The following MATN2 variants were observed in gnomAD, a reference collection of about 807,000 sequenced individuals.
MATN2 encodes the protein matrilin-2.
In MATN2, 69 loss-of-function variants were observed where a neutral mutation model predicts 103.2. The ratio of observed to expected loss-of-function variants is 0.67; its 90% confidence interval spans 0.55 to 0.82. MATN2 has a LOEUF of 0.82. Among genes scored for constraint, MATN2 ranks in the 40% least tolerant of loss-of-function variants. The pLI, the probability that MATN2 is intolerant of heterozygous loss-of-function variation, is 0.00. For synonymous variants in MATN2, 429 were observed against 450.2 expected, an observed-to-expected ratio of 0.95 and a Z score of 0.60; for missense variants, 1,023 against 1,211.5, an observed-to-expected ratio of 0.84 and a Z score of 2.31.
At chr8:98,003,936 T>C (rs1315015964) in intron 8 of MATN2, 153 bp downstream of exon 8, 7 of 830,084 alleles carry the variant, frequency 8.4e-6, no homozygotes, top group South Asian at 6.5e-5. Flanking sequence ...TCATCACCCA[T>C]AGAATGTGAC....
At chr8:97,900,690 C>G (rs992415042) in intron 2 of MATN2, among the ~76,000 whole-genome samples, 1 of 152,170 alleles carries the variant, frequency 6.6e-6, no homozygotes, top group African/African-American at 2.4e-5. Flanking sequence ...AATCCCAGCA[C>G]TTTGGGAGGC....
At chr8:97,902,515 A>T (rs940154154) in intron 2 of MATN2, among the ~76,000 whole-genome samples, 1 of 150,248 alleles carries the variant, frequency 6.7e-6, no homozygotes, top group East Asian at 2.0e-4. Context: ...AAAAAAGAAT[A>T]AAAAAAAAGA....
At chr8:98,030,425 T>G in intron 14 of MATN2, 37 bp from the exon 15 acceptor site, 1 of 1,587,120 alleles carries the variant, frequency 6.3e-7, no homozygotes, top group Non-Finnish European at 8.6e-7. Context: ...GGAACACAAC[T>G]CTAACTAACT....
chr8:97,958,837 T>C (rs1811217614), intron 4 of MATN2, among the ~76,000 whole-genome samples: 1 of 152,222 alleles, frequency 6.6e-6, no homozygotes. Context: ...GTTCAGCCTA[T>C]GCAGCCTGTG....
intron 4 of MATN2, among the ~76,000 whole-genome samples, chr8:97,950,054 G>C (rs1586080759): frequency 6.6e-6 from 1 of 152,066 alleles, no homozygotes; most frequent in East Asian, 1.9e-4. Flanking sequence ...CAGGAAACTT[G>C]GGGGGGTGAT....
At chr8:97,975,278 G>A (rs938416846) in intron 5 of MATN2, among the ~76,000 whole-genome samples, 94 of 152,284 alleles carry the variant, frequency 6.2e-4, no homozygotes, top group Admixed American at 6.1e-3. Context: ...GAGCATCTTA[G>A]TACAACTTTT....
chr8:97,872,582 T>C (rs533878153), intron 1 of MATN2, among the ~76,000 whole-genome samples: 9 of 152,304 alleles, frequency 5.9e-5, no homozygotes, highest in Non-Finnish European at 1.3e-4. Flanking sequence ...TTTTGTAGGC[T>C]CTTGGGAAAA....
chr8:97,878,426 G>A (rs1158609955), intron 1 of MATN2, among the ~76,000 whole-genome samples: 2 of 151,738 alleles, frequency 1.3e-5, no homozygotes, highest in Non-Finnish European at 2.9e-5. Context: ...GGGGGTACTG[G>A]TGTAGTCTCA....
chr8:97,887,999 C>T (rs970412453), intron 1 of MATN2, 76 bp from the exon 2 acceptor site: 24 of 1,387,068 alleles, frequency 1.7e-5, no homozygotes, highest in South Asian at 1.1e-4. Flanking sequence ...GGCGGGGCAG[C>T]GGGCCTGCAG....
intron 13 of MATN2, 44 bp from the exon 14 acceptor site, chr8:98,027,372 T>A (rs1188748718): frequency 6.6e-7 from 1 of 1,504,526 alleles, no homozygotes; most frequent in Admixed American, 2.0e-5. Context: ...TGTGCATAAA[T>A]GATTTTTTAT....
chr8:97,892,490 G>A (rs762716417), intron 2 of MATN2, among the ~76,000 whole-genome samples: 3 of 150,812 alleles, frequency 2.0e-5, no homozygotes, highest in African/African-American at 4.9e-5. Context: ...GTCTGGCTTC[G>A]TAGAAGACAG....
In MATN2 at chr8:98,018,094, T is replaced by C. The variant is rs371829719; in HGVS notation, c.1797T>C (p.Ala599=). The C allele has an allele frequency of 6.8e-6, 11 of 1,613,784 alleles. No individual in the cohort carries two copies. In the African/African-American group the frequency reaches 1.2e-4, roughly 18 times the overall value. ...AGTGCTTGGAGGGATTCCGGCTCGC[T>C]GAGGATGGGAAACGCTGCCGAAGTA... ...TCECLEGFRL[A]EDGKRCRRKD... is the part of the protein sequence containing the mutation. Residue 599 remains alanine, a synonymous_variant, in exon 12 of 19, where the codon GCT becomes GCC. Transcript: ENST00000254898.
chr8:98,022,306 ATGTGTG>A (rs148769332), intron 13 of MATN2, among the ~76,000 whole-genome samples: 7 of 151,510 alleles, frequency 4.6e-5, no homozygotes, highest in Non-Finnish European at 7.4e-5. Context: ...TTCTCTATAT[ATGTGTG>A]TGTGTGTGTA....
intron 4 of MATN2, among the ~76,000 whole-genome samples, chr8:97,960,044 G>A (rs1204770380): frequency 1.3e-5 from 2 of 152,020 alleles, no homozygotes; most frequent in East Asian, 3.9e-4. Flanking sequence ...CCACCTCCCG[G>A]GTTCAAGCCA....
intron 7 of MATN2, among the ~76,000 whole-genome samples, chr8:97,995,030 G>A (rs2130357080): frequency 1.3e-5 from 2 of 152,300 alleles, no homozygotes; most frequent in Admixed American, 1.3e-4. Flanking sequence ...TGATAGGAAA[G>A]AAGAAGAAAA....
At chr8:97,909,375 G>A (rs1013109201) in intron 2 of MATN2, among the ~76,000 whole-genome samples, 15 of 152,182 alleles carry the variant, frequency 9.9e-5, no homozygotes, top group Admixed American at 7.9e-4. Context: ...TTGTCATTCT[G>A]TGCCTGGTTT....
intron 1 of MATN2, among the ~76,000 whole-genome samples, chr8:97,887,129 T>C (rs752711785): frequency 4.2e-4 from 64 of 152,110 alleles, no homozygotes; most frequent in Non-Finnish European, 7.5e-4. Flanking sequence ...TGGCCTCAAG[T>C]GATGTGCCCA....
At chr8:97,990,263 T>C (rs1002503788) in intron 6 of MATN2, among the ~76,000 whole-genome samples, 4 of 139,600 alleles carry the variant, frequency 2.9e-5, no homozygotes, top group South Asian at 4.5e-4. Context: ...AAAGAATATA[T>C]AGAGATGGCG....
chr8:97,908,255 C>A (rs1319063842), intron 2 of MATN2, among the ~76,000 whole-genome samples: 16 of 150,342 alleles, frequency 1.1e-4, no homozygotes, highest in African/African-American at 3.2e-4. Context: ...GAAACTCTAT[C>A]TCAAAAAAAA....
Sources: gnomAD v4.1 joint callset for allele counts (sites outside exome capture counted in the v4.1 genomes callset) on GRCh38, gnomAD v4.1.1 for gene constraint, MANE v1.5 for transcripts, NCBI Gene and HGNC (gene_info 2026-07-23, HGNC 2026-07-21) for gene names.